CACNA2D3: variants seen among roughly 807,000 people sequenced by gnomAD.
CACNA2D3 encodes the protein voltage-dependent calcium channel subunit alpha-2/delta-3.
A neutral mutation model predicts 160.6 loss-of-function variants in CACNA2D3; 60 were observed. The ratio of observed to expected loss-of-function variants is 0.37; its 90% CI spans 0.30 to 0.46. CACNA2D3 has a LOEUF of 0.46. Ranked by LOEUF, CACNA2D3 falls within the 20% of genes least tolerant of loss-of-function variation. The probability of loss-of-function intolerance (pLI) is 1.00; values close to 1 mark genes in which losing one functional copy is unlikely to be tolerated. For synonymous variants in CACNA2D3, 558 were observed against 492.9 expected (o/e 1.13, Z -1.75); for missense variants, 1,205 against 1,365.0 (o/e 0.88, Z 1.85).
chr3:55,045,067 A>T (rs1384969376), intron 35 of CACNA2D3, among the ~76,000 whole-genome samples: 2 of 151,786 alleles, frequency 1.3e-5, no homozygotes, highest in Admixed American at 1.3e-4. Flanking sequence ...TTTGTTTTTG[A>T]GACAGAGTTT....
At chr3:54,692,686 T>A (rs1308645764) in intron 11 of CACNA2D3, among the ~76,000 whole-genome samples, 1 of 152,118 alleles carries the variant, frequency 6.6e-6, no homozygotes. Flanking sequence ...GCAAAATGGA[T>A]CCCCACCCAG....
At chr3:54,986,839 C>T (rs918340043) in intron 30 of CACNA2D3, among the ~76,000 whole-genome samples, 47 of 151,310 alleles carry the variant, frequency 3.1e-4, no homozygotes, top group Admixed American at 6.6e-4. Context: ...GCAGAAGGCC[C>T]TTACTGCAGG....
At chr3:54,957,343 C>A (rs1406652348) in intron 27 of CACNA2D3, among the ~76,000 whole-genome samples, 1 of 151,952 alleles carries the variant, frequency 6.6e-6, no homozygotes, top group Non-Finnish European at 1.5e-5. Context: ...GAGATGGGGT[C>A]TCACTCTGTT....
chr3:54,405,633 G>T (rs1006255261), intron 4 of CACNA2D3, among the ~76,000 whole-genome samples: 2 of 151,930 alleles, frequency 1.3e-5, no homozygotes, highest in African/African-American at 4.8e-5. Flanking sequence ...AATATAGGGG[G>T]TAAACTCCTT....
intron 9 of CACNA2D3, among the ~76,000 whole-genome samples, chr3:54,596,890 T>A (rs1216988363): frequency 1.3e-5 from 2 of 152,132 alleles, no homozygotes; most frequent in Non-Finnish European, 1.5e-5. Context: ...AATCTTCCCT[T>A]CCCACCTAAC....
chr3:54,776,179 G>T (rs1018737958), intron 13 of CACNA2D3, among the ~76,000 whole-genome samples: 1 of 152,166 alleles, frequency 6.6e-6, no homozygotes, highest in Non-Finnish European at 1.5e-5. Context: ...GAAGGCCAAG[G>T]GATAGAAACA....
chr3:54,943,102 T>G (rs116484004), intron 27 of CACNA2D3, among the ~76,000 whole-genome samples: 3,411 of 151,952 alleles, frequency 0.022, 123 homozygotes, highest in African/African-American at 0.075. Context: ...CTAGGGAGGT[T>G]GAGGCAAGAG....
At chr3:54,919,195 G>A (rs964040580) in intron 27 of CACNA2D3, among the ~76,000 whole-genome samples, 9 of 152,198 alleles carry the variant, frequency 5.9e-5, no homozygotes, top group African/African-American at 1.4e-4. Flanking sequence ...AAGAAGGCAC[G>A]CTGGGGGCCG....
intron 2 of CACNA2D3, among the ~76,000 whole-genome samples, chr3:54,263,256 G>A (rs1002277065): frequency 6.6e-6 from 1 of 152,078 alleles, no homozygotes; most frequent in African/African-American, 2.4e-5. Context: ...AGTCCTATTT[G>A]GAAGCTTGTA....
At chr3:54,188,228 A>AAAAC (rs138439909) in intron 2 of CACNA2D3, among the ~76,000 whole-genome samples, 27,035 of 150,194 alleles carry the variant, frequency 0.18, 2,556 homozygotes, top group South Asian at 0.25. Flanking sequence ...GGAGAACTTA[A>AAAAC]AAACAAACAA....
intron 4 of CACNA2D3, among the ~76,000 whole-genome samples, chr3:54,449,703 T>C (rs1700275971): frequency 6.6e-6 from 1 of 152,204 alleles, no homozygotes; most frequent in Middle Eastern, 3.2e-3. Flanking sequence ...CCTACCTTTT[T>C]GTCCCTGCTC....
chr3:55,000,068 A>G (rs1002746473), intron 31 of CACNA2D3, among the ~76,000 whole-genome samples: 2 of 152,278 alleles, frequency 1.3e-5, no homozygotes, highest in East Asian at 3.9e-4. Flanking sequence ...GGATTAAGGC[A>G]TGTTATCTGT....
intron 24 of CACNA2D3, 58 bp downstream of exon 24, chr3:54,888,110 A>G: frequency 7.8e-7 from 1 of 1,276,902 alleles, no homozygotes; most frequent in Non-Finnish European, 1.1e-6. Flanking sequence ...ACTCCGAAAT[A>G]TGGTTATGGT....
chr3:54,548,712 T>C (rs941918708), intron 5 of CACNA2D3, among the ~76,000 whole-genome samples: 5 of 152,168 alleles, frequency 3.3e-5, no homozygotes, highest in African/African-American at 1.2e-4. Context: ...CTACTACCAC[T>C]ACCACCATGG....
chr3:54,541,050 G>T (rs1701965459), intron 5 of CACNA2D3, among the ~76,000 whole-genome samples: 1 of 152,008 alleles, frequency 6.6e-6, no homozygotes, highest in Non-Finnish European at 1.5e-5. Flanking sequence ...GGCCAAGGTG[G>T]GCAGATCACG....
chr3:54,693,905 AGAATC>A (rs1700611257), intron 11 of CACNA2D3, among the ~76,000 whole-genome samples: 1 of 152,244 alleles, frequency 6.6e-6, no homozygotes, highest in Non-Finnish European at 1.5e-5. Context: ...TTACTACAGA[AGAATC>A]AAAAGGTTAA....
chr3:54,881,475 A>G (rs1224475358), intron 21 of CACNA2D3, among the ~76,000 whole-genome samples: 1 of 152,194 alleles, frequency 6.6e-6, no homozygotes, highest in African/African-American at 2.4e-5. Flanking sequence ...CTCTCAGTAA[A>G]CAGGAGCAGT....
intron 13 of CACNA2D3, among the ~76,000 whole-genome samples, chr3:54,775,954 A>G (rs1234338914): frequency 6.6e-6 from 1 of 152,050 alleles, no homozygotes; most frequent in Admixed American, 6.6e-5. Flanking sequence ...TGTCCCTCCT[A>G]CTTGCCATCC....
intron 4 of CACNA2D3, among the ~76,000 whole-genome samples, chr3:54,480,333 C>A (rs558885451): frequency 5.9e-4 from 90 of 152,218 alleles, no homozygotes; most frequent in Non-Finnish European, 1.2e-3. Context: ...AGGGAACATA[C>A]CATTGTTGAG....
Sources: allele counts gnomAD v4.1 joint callset (sites outside exome capture counted in the v4.1 genomes callset), GRCh38; gene constraint gnomAD v4.1.1; transcripts MANE v1.5; gene names NCBI Gene and HGNC (gene_info 2026-07-23, HGNC 2026-07-21).